Variants in CAPZB observed in about 807,000 individuals in gnomAD.
CAPZB encodes the protein capping actin protein of muscle Z-line subunit beta.
Under a neutral mutation model 38.1 loss-of-function variants are expected in CAPZB, and 2 were observed. That is an observed-to-expected ratio of 0.05 (90% CI 0.02 to 0.17). The LOEUF is 0.17. Among genes scored for constraint, CAPZB ranks in the 10% least tolerant of loss-of-function variants. CAPZB has a pLI of 1.00. For missense variants in CAPZB, 161 were observed against 334.2 expected, an observed-to-expected ratio of 0.48 and a Z score of 4.04; for synonymous variants, 107 against 127.4, an observed-to-expected ratio of 0.84 and a Z score of 1.08.
chr1:19,436,383 C>A (rs1468037244), intron 1 of CAPZB, among the ~76,000 whole-genome samples: 2 of 152,160 alleles, frequency 1.3e-5, no homozygotes, highest in Non-Finnish European at 2.9e-5. Context: ...CCTTATTTTG[C>A]TTCATAATGG....
chr1:19,371,393 C>T (rs1474684007), intron 4 of CAPZB, among the ~76,000 whole-genome samples: 1 of 152,206 alleles, frequency 6.6e-6, no homozygotes, highest in East Asian at 1.9e-4. Flanking sequence ...CACCCAGCAG[C>T]CTGGAAGGTG....
chr1:19,481,162 C>T (rs1418134916), intron 1 of CAPZB, among the ~76,000 whole-genome samples: 1 of 152,160 alleles, frequency 6.6e-6, no homozygotes, highest in Non-Finnish European at 1.5e-5. Flanking sequence ...TGGTGAGGAC[C>T]GTTCTAACAG....
intron 6 of CAPZB, among the ~76,000 whole-genome samples, chr1:19,347,002 A>T (rs996931737): frequency 0.039 from 5,648 of 145,234 alleles, 149 homozygotes; most frequent in African/African-American, 0.057. Flanking sequence ...TTTTATTTTT[A>T]TTTTTATTTT....
At chr1:19,393,154 G>A (rs566145353) in intron 2 of CAPZB, among the ~76,000 whole-genome samples, 7 of 152,374 alleles carry the variant, frequency 4.6e-5, no homozygotes, top group South Asian at 2.1e-4. Flanking sequence ...TCATGTAGCC[G>A]AGGCTGGAGC....
At chr1:19,448,660 TG>T (rs1325250331) in intron 1 of CAPZB, among the ~76,000 whole-genome samples, 1 of 152,202 alleles carries the variant, frequency 6.6e-6, no homozygotes, top group Non-Finnish European at 1.5e-5. Flanking sequence ...CCTCCCTACT[TG>T]GGCAAAAAGT....
chr1:19,392,787 A>G (rs2094244207), intron 2 of CAPZB, among the ~76,000 whole-genome samples: 1 of 152,272 alleles, frequency 6.6e-6, no homozygotes, highest in African/African-American at 2.4e-5. Flanking sequence ...TAAGAACCTG[A>G]CTCAAGAAAA....
chr1:19,452,793 CT>C (rs34430556), intron 1 of CAPZB, among the ~76,000 whole-genome samples: 64,478 of 118,288 alleles, frequency 0.55, 15,063 homozygotes, highest in Middle Eastern at 0.7. Flanking sequence ...TAATTTCTTT[CT>C]TTTTTTTTTT....
chr1:19,435,665 C>T (rs1296677148), intron 1 of CAPZB, among the ~76,000 whole-genome samples: 1 of 152,150 alleles, frequency 6.6e-6, no homozygotes, highest in Non-Finnish European at 1.5e-5. Context: ...GAGTTAAGTG[C>T]CAGTATCAGT....
intron 6 of CAPZB, among the ~76,000 whole-genome samples, chr1:19,349,081 C>G (rs576850966): frequency 6.6e-6 from 1 of 152,258 alleles, no homozygotes; most frequent in East Asian, 1.9e-4. Context: ...CTCGGCAGCA[C>G]TGGAGCGTCT....
At chr1:19,393,308 C>A (rs1418621834) in intron 2 of CAPZB, among the ~76,000 whole-genome samples, 1 of 152,202 alleles carries the variant, frequency 6.6e-6, no homozygotes, top group Non-Finnish European at 1.5e-5. Flanking sequence ...CAGCTGTGCT[C>A]CCAGAGACTC....
intron 1 of CAPZB, among the ~76,000 whole-genome samples, chr1:19,429,421 G>A (rs1358942063): frequency 6.6e-6 from 1 of 152,148 alleles, no homozygotes; most frequent in Non-Finnish European, 1.5e-5. Context: ...AGAAGTTCAA[G>A]ACTCTAAAGG....
At chr1:19,440,647 C>T (rs548108947) in intron 1 of CAPZB, among the ~76,000 whole-genome samples, 2 of 152,236 alleles carry the variant, frequency 1.3e-5, no homozygotes, top group East Asian at 3.9e-4. Flanking sequence ...AGCTGAGGTC[C>T]CCTGGGCAGA....
chr1:19,470,720 A>C (rs1056287231), intron 1 of CAPZB, among the ~76,000 whole-genome samples: 4 of 152,216 alleles, frequency 2.6e-5, no homozygotes, highest in African/African-American at 9.7e-5. Flanking sequence ...TTAAATTCAG[A>C]GCAGCTGGGT....
intron 2 of CAPZB, among the ~76,000 whole-genome samples, chr1:19,404,442 G>A (rs944887289): frequency 1.3e-5 from 2 of 151,158 alleles, no homozygotes; most frequent in Non-Finnish European, 2.9e-5. Flanking sequence ...TATTCCAGAC[G>A]CTGAGGCTGG....
intron 1 of CAPZB, among the ~76,000 whole-genome samples, chr1:19,425,249 G>A (rs2094418152): frequency 6.6e-6 from 1 of 152,208 alleles, no homozygotes; most frequent in African/African-American, 2.4e-5. Context: ...CCACCCAATG[G>A]TGTGTTCCAG....
At chr1:19,391,740 A>T (rs890575468) in intron 2 of CAPZB, among the ~76,000 whole-genome samples, 18 of 152,326 alleles carry the variant, frequency 1.2e-4, no homozygotes, top group Non-Finnish European at 2.4e-4. Context: ...GGGGGTTACA[A>T]CATCCATGTC....
chr1:19,414,949 G>A (rs1165834850), intron 2 of CAPZB, among the ~76,000 whole-genome samples: 2 of 152,226 alleles, frequency 1.3e-5, no homozygotes, highest in Non-Finnish European at 2.9e-5. Context: ...ATCAGAGCAG[G>A]CCTCATAATC....
chr1:19,389,057 G>T (rs1036583088), intron 2 of CAPZB, among the ~76,000 whole-genome samples: 1 of 152,140 alleles, frequency 6.6e-6, no homozygotes, highest in African/African-American at 2.4e-5. Flanking sequence ...TGTTTCTTTT[G>T]ATCAAAGATA....
At chr1:19,400,126 GGA>G (rs1199416499) in intron 2 of CAPZB, among the ~76,000 whole-genome samples, 1 of 152,028 alleles carries the variant, frequency 6.6e-6, no homozygotes, top group Non-Finnish European at 1.5e-5. Flanking sequence ...TTCTCTTCCA[GGA>G]GAGATTCCGA....
Sources: allele counts gnomAD v4.1 joint callset (sites outside exome capture counted in the v4.1 genomes callset), GRCh38; gene constraint gnomAD v4.1.1; transcripts MANE v1.5; gene names NCBI Gene and HGNC (gene_info 2026-07-23, HGNC 2026-07-21).